Variants in CTNNA3 observed in about 807,000 individuals in gnomAD.
CTNNA3 encodes catenin alpha 3.
In CTNNA3, 76 loss-of-function variants were observed where a neutral mutation model predicts 95.7. The observed-to-expected ratio is 0.79, with a 90% CI of 0.66 to 0.96. The LOEUF (loss-of-function observed/expected upper bound fraction) is 0.96, where lower values mean the gene tolerates loss of function less well. Among genes scored for constraint, CTNNA3 ranks in the 40% least tolerant of loss-of-function variants. The pLI is 0.00. For synonymous variants in CTNNA3, 431 were observed against 374.4 expected, an observed-to-expected ratio of 1.15 and a Z score of -1.74; for missense variants, 1,191 against 1,089.8, an observed-to-expected ratio of 1.09 and a Z score of -1.31.
intron 10 of CTNNA3, among the ~76,000 whole-genome samples, chr10:66,572,309 G>A (rs10822846): frequency 0.072 from 10,971 of 151,744 alleles, 744 homozygotes; most frequent in East Asian, 0.34. Context: ...CTTAAACCCG[G>A]GAGGCGGAGG....
intron 10 of CTNNA3, among the ~76,000 whole-genome samples, chr10:66,618,298 T>A (rs1328217870): frequency 6.6e-6 from 1 of 151,966 alleles, no homozygotes. Flanking sequence ...TCACGCTACC[T>A]GACTTCAAAC....
At chr10:66,023,672 C>T (rs1277409636) in intron 15 of CTNNA3, among the ~76,000 whole-genome samples, 1 of 152,120 alleles carries the variant, frequency 6.6e-6, no homozygotes, top group East Asian at 1.9e-4. Flanking sequence ...TTGAGTTCTC[C>T]CTAGACGTAT....
At chr10:67,349,316 CAAAT>C (rs767207035) in intron 5 of CTNNA3, among the ~76,000 whole-genome samples, 12 of 151,920 alleles carry the variant, frequency 7.9e-5, no homozygotes, top group Admixed American at 1.3e-4. Flanking sequence ...TGTCCATCAA[CAAAT>C]GAATGAATAA....
chr10:66,290,055 A>C (rs1426795539), intron 12 of CTNNA3, among the ~76,000 whole-genome samples: 1 of 152,086 alleles, frequency 6.6e-6, no homozygotes, highest in Non-Finnish European at 1.5e-5. Context: ...GAGGGTGGGT[A>C]GATGACTGGA....
rs538763109 is a variant in CTNNA3 at position 66,431,529 on chromosome 10, A to T, written c.1532-52177T>A. ...CATCAATGATAGACTGGATTAAGAA[A>T]ATATGGCACATATACACCATGGAAT... On this transcript the variant is annotated intron_variant, in intron 11 of 17. Transcript: ENST00000433211. 1.4e-4 allele frequency among the ~76,000 whole-genome samples: 22 copies of T among 152,224 alleles called. No homozygotes were observed. The East Asian group carries it at 4.1e-3, about 28-fold the overall frequency.
chr10:67,575,863 T>A (rs776561126), intron 3 of CTNNA3, among the ~76,000 whole-genome samples: 10 of 152,202 alleles, frequency 6.6e-5, no homozygotes, highest in Non-Finnish European at 1.3e-4. Context: ...TCTCTATTTC[T>A]GTCTCTGTGA....
chr10:67,367,034 G>T (rs1843243124), intron 5 of CTNNA3, among the ~76,000 whole-genome samples: 1 of 152,190 alleles, frequency 6.6e-6, no homozygotes, highest in Non-Finnish European at 1.5e-5. Context: ...ATCAGCCTTG[G>T]AAAAGAATTT....
chr10:66,908,450 C>T (rs1846084554), intron 7 of CTNNA3, among the ~76,000 whole-genome samples: 1 of 152,258 alleles, frequency 6.6e-6, no homozygotes, highest in Non-Finnish European at 1.5e-5. Context: ...ACCTGCTTTA[C>T]CGAATGTTTA....
intron 7 of CTNNA3, among the ~76,000 whole-genome samples, chr10:66,977,305 T>C (rs1230013047): frequency 1.3e-5 from 2 of 151,860 alleles, no homozygotes; most frequent in African/African-American, 4.8e-5. Context: ...GTGTGGTGGC[T>C]GGTACCTGTA....
intron 11 of CTNNA3, among the ~76,000 whole-genome samples, chr10:66,420,509 A>G (rs2093182163): frequency 6.6e-6 from 1 of 151,114 alleles, no homozygotes; most frequent in African/African-American, 2.4e-5. Context: ...ACTATTAAAA[A>G]CAATATGGAG....
Position 66,989,624 on chromosome 10 carries a change from A to G in CTNNA3, c.1047+190693T>C, listed in dbSNP as rs10997470. On this transcript the variant is annotated intron_variant, in intron 7 of 17. Coordinates refer to ENST00000433211, the MANE Select transcript of CTNNA3 (RefSeq NM_013266.4). Reference sequence around the variant, plus strand: ...GATGTGTATATATATACATACTGAAAGAACTTTTTCTATATATGAGTGAAT... The same window carrying G: ...GATGTGTATATATATACATACTGAAGGAACTTTTTCTATATATGAGTGAAT... Among the ~76,000 whole-genome samples the G allele has an allele frequency of 3.8e-3, 578 of 152,284 alleles. 29 individuals are homozygous for G. In the East Asian group the frequency reaches 0.091, roughly 24 times the overall value.
chr10:66,459,257 C>T (rs1188665370), intron 11 of CTNNA3, among the ~76,000 whole-genome samples: 2 of 152,124 alleles, frequency 1.3e-5, no homozygotes, highest in Non-Finnish European at 2.9e-5. Flanking sequence ...ATACAACATA[C>T]AAAATCTGTG....
chr10:66,357,352 A>G (rs2092618895), intron 12 of CTNNA3, among the ~76,000 whole-genome samples: 1 of 152,058 alleles, frequency 6.6e-6, no homozygotes, highest in Non-Finnish European at 1.5e-5. Context: ...TATAATTTAC[A>G]TACCATGCGA....
chr10:67,513,712 A>T (rs1839714212), intron 5 of CTNNA3, among the ~76,000 whole-genome samples: 1 of 152,068 alleles, frequency 6.6e-6, no homozygotes, highest in African/African-American at 2.4e-5. Context: ...CAAACCATGA[A>T]CCCCAGTGAA....
intron 1 of CTNNA3, among the ~76,000 whole-genome samples, chr10:67,694,570 T>C (rs938790845): frequency 1.3e-5 from 2 of 152,142 alleles, no homozygotes; most frequent in Admixed American, 6.5e-5. Context: ...TACCATAGCA[T>C]CTAGATGTTC....
At chr10:66,945,908 T>A (rs1285196114) in intron 7 of CTNNA3, among the ~76,000 whole-genome samples, 1 of 152,142 alleles carries the variant, frequency 6.6e-6, no homozygotes, top group African/African-American at 2.4e-5. Flanking sequence ...ATTAAGTTTG[T>A]CAGATTCTAT....
intron 9 of CTNNA3, among the ~76,000 whole-genome samples, chr10:66,757,110 C>A (rs965605976): frequency 6.6e-6 from 1 of 152,150 alleles, no homozygotes; most frequent in South Asian, 2.1e-4. Context: ...TGACTGGGGA[C>A]GAGTAGAGGC....
At chr10:67,211,510 T>A (rs532868134) in intron 6 of CTNNA3, among the ~76,000 whole-genome samples, 1 of 152,178 alleles carries the variant, frequency 6.6e-6, no homozygotes, top group Non-Finnish European at 1.5e-5. Context: ...ATTAGATGCA[T>A]TAAAACCTCA....
intron 9 of CTNNA3, among the ~76,000 whole-genome samples, chr10:66,746,495 T>C (rs1050300064): frequency 1.3e-5 from 2 of 152,228 alleles, no homozygotes; most frequent in Non-Finnish European, 2.9e-5. Flanking sequence ...AGGATAGCTA[T>C]TAATATTACT....
Sources: gnomAD v4.1 joint callset for allele counts (sites outside exome capture counted in the v4.1 genomes callset) on GRCh38, gnomAD v4.1.1 for gene constraint, MANE v1.5 for transcripts, NCBI Gene and HGNC (gene_info 2026-07-23, HGNC 2026-07-21) for gene names.